OSBPL3: variants seen among roughly 807,000 people sequenced by gnomAD.
The protein encoded by OSBPL3 is oxysterol binding protein like 3, also known as oxysterol-binding protein-related protein 3.
Under a neutral mutation model 120.1 loss-of-function variants are expected in OSBPL3, and 65 were observed. That is an observed-to-expected ratio of 0.54 (90% CI 0.44 to 0.67). The LOEUF is 0.67. Among genes scored for constraint, OSBPL3 ranks in the 30% least tolerant of loss-of-function variants. The probability of loss-of-function intolerance (pLI) is 0.00; values close to 1 mark genes in which losing one functional copy is unlikely to be tolerated. For missense variants in OSBPL3, 1,004 were observed against 1,082.1 expected (o/e 0.93, Z 1.01); for synonymous variants, 416 against 402.6 (o/e 1.03, Z -0.40).
intron 1 of OSBPL3, among the ~76,000 whole-genome samples, chr7:24,942,267 C>G (rs913780681): frequency 1.3e-5 from 2 of 152,018 alleles, no homozygotes; most frequent in Non-Finnish European, 2.9e-5. Flanking sequence ...AATAGTCAAT[C>G]TAAACATAGG....
intron 1 of OSBPL3, among the ~76,000 whole-genome samples, chr7:24,923,387 G>A (rs1810645401): frequency 6.6e-6 from 1 of 152,208 alleles, no homozygotes; most frequent in African/African-American, 2.4e-5. Flanking sequence ...CCACTGTGCT[G>A]ACCTAGCTGA....
rs1378471732 is a variant in OSBPL3, at chr7:24,839,186, G to T, written c.1495+1504C>A. Among the ~76,000 whole-genome samples the T allele has an allele frequency of 2.0e-5, 3 of 152,202 alleles. No homozygotes were observed. In the East Asian group the frequency reaches 5.8e-4, roughly 29 times the overall value. On this transcript the variant is annotated intron_variant, in intron 14 of 22. Transcript: ENST00000313367. Reference sequence around the variant, plus strand: ...CTCCTTTGTGAAGATATGAAAATAGGTGGTGCTTTGAGTATCCAATGCATA... The same window carrying T: ...CTCCTTTGTGAAGATATGAAAATAGTTGGTGCTTTGAGTATCCAATGCATA...
At chr7:24,906,821 A>G (rs1013142097) in intron 1 of OSBPL3, among the ~76,000 whole-genome samples, 1 of 152,020 alleles carries the variant, frequency 6.6e-6, no homozygotes, top group African/African-American at 2.4e-5. Flanking sequence ...ACTTCTCTCT[A>G]TGCACTTCAG....
intron 2 of OSBPL3, among the ~76,000 whole-genome samples, chr7:24,886,341 C>T (rs78314877): frequency 0.035 from 5,345 of 152,280 alleles, 120 homozygotes; most frequent in Non-Finnish European, 0.054. Flanking sequence ...TTGTTCCAGA[C>T]GTTCAATAGA....
At position 24,886,571 on chromosome 7, in the gene OSBPL3, G is replaced by T. The variant is rs993834632; in HGVS notation, c.96+5806C>A. ...CTGCCCCAATAGAAGGATATTTGTCGCTGGTTTTCAATAAATTCAGTCCGA... is the reference window on the plus strand; with the variant it reads ...CTGCCCCAATAGAAGGATATTTGTCTCTGGTTTTCAATAAATTCAGTCCGA... On this transcript the variant is annotated intron_variant, in intron 2 of 22. Coordinates refer to ENST00000313367, the MANE Select transcript of OSBPL3 (RefSeq NM_015550.4). 4.6e-5 allele frequency among the ~76,000 whole-genome samples: 7 copies of T among 152,178 alleles called. 1 individual carries two copies. Among genetic ancestry groups the T allele is most frequent in the Admixed American group, 4.6e-4 (7 of 15,286 alleles).
intron 13 of OSBPL3, among the ~76,000 whole-genome samples, chr7:24,842,029 T>C (rs79797540): frequency 6.6e-6 from 1 of 151,846 alleles, no homozygotes; most frequent in African/African-American, 2.4e-5. Context: ...AAAAAAAGTA[T>C]AACAAATTTA....
In OSBPL3 at chr7:24,872,448, AGTGTGTGTGTGTGTGTGTGTGT is replaced by A. The variant is rs371127031; in HGVS notation, c.97-401_97-380del. Among the ~76,000 whole-genome samples the A allele has an allele frequency of 1.4e-5, 2 of 144,890 alleles. No individual in the cohort carries two copies. Among genetic ancestry groups the A allele is most frequent in the Non-Finnish European group, 3.0e-5 (2 of 66,312 alleles). The stretch of plus-strand genomic sequence containing the variant: ...TCAGTCTGAATTTTAACCGAAAGAG[AGTGTGTGTGTGTGTGTGTGTGT>A]GTGTGTGTGTGTGTGTGGTGTTGGG... On this transcript the variant is annotated intron_variant, in intron 2 of 22. Coordinates refer to ENST00000313367, the MANE Select transcript of OSBPL3 (RefSeq NM_015550.4). This position sits in a 1 kb window ranked among gnomAD's most constrained non-coding sequence, Gnocchi z 4.1.
In OSBPL3 at chr7:24,968,714, C is replaced by T. The variant is rs1266095584; in HGVS notation, c.-150+11172G>A. ...GCCAGCCTCAGCCCACCAATTTTAT[C>T]CATGTGTGCATATATGCATGAATAT... On this transcript the variant is annotated intron_variant, in intron 1 of 22. Transcript: ENST00000313367. This position sits in a 1 kb window ranked among gnomAD's most constrained non-coding sequence, Gnocchi z 4.6. 6.6e-6 allele frequency among the ~76,000 whole-genome samples: 1 copy of T among 152,178 alleles called. No homozygotes were observed. The highest frequency in any genetic ancestry group is 2.4e-5 in the African/African-American group (1 of 41,436).
intron 2 of OSBPL3, among the ~76,000 whole-genome samples, chr7:24,876,202 G>A (rs370588589): frequency 5.9e-5 from 9 of 152,144 alleles, no homozygotes; most frequent in African/African-American, 2.2e-4. Context: ...CAAAATGGTT[G>A]TCTTTATTTC....
intron 1 of OSBPL3, among the ~76,000 whole-genome samples, chr7:24,908,972 TGCGTGTCCTTTTCAA>T (rs1288172626): frequency 1.3e-5 from 2 of 152,218 alleles, no homozygotes; most frequent in African/African-American, 2.4e-5. Context: ...GTAGTTACTT[TGCGTGTCCTTTTCAA>T]GCACATGGTC....
At chr7:24,850,878 T>C (rs1562824456) in intron 11 of OSBPL3, among the ~76,000 whole-genome samples, 2 of 152,218 alleles carry the variant, frequency 1.3e-5, no homozygotes, top group Non-Finnish European at 2.9e-5. Flanking sequence ...AAAAAACAAG[T>C]CTTAAACCCC....
rs558134361 is a variant in OSBPL3 at position 24,885,238 on chromosome 7, AAAAAG to A, written c.96+7134_96+7138del. 8.6e-4 allele frequency among the ~76,000 whole-genome samples: 130 copies of A among 152,028 alleles called. 4 individuals are homozygous for A. The South Asian group carries it at 0.026, about 31-fold the overall frequency. ...CTCTGTCTCAAAAACAAAAAAAAAA[AAAAAG>A]AAAGAAATGGGACTAACCATTTTCA... On this transcript the variant is annotated intron_variant, in intron 2 of 22. Transcript: ENST00000313367.
chr7:24,838,925 A>G (rs1388970114), intron 14 of OSBPL3, among the ~76,000 whole-genome samples: 1 of 152,214 alleles, frequency 6.6e-6, no homozygotes, highest in Non-Finnish European at 1.5e-5. Flanking sequence ...TAAGGGGTTC[A>G]TCTCCCAAGA....
At position 24,952,277 on chromosome 7, in the gene OSBPL3, A is replaced by C. The variant is rs1192338447; in HGVS notation, c.-150+27609T>G. ...AACAGAATTAAGAAAAAAAATTAAGAAGCTAAGCACAACATAAATAGTCCA... is the reference window on the plus strand; with the variant it reads ...AACAGAATTAAGAAAAAAAATTAAGCAGCTAAGCACAACATAAATAGTCCA... On this transcript the variant is annotated intron_variant, in intron 1 of 22. Coordinates refer to ENST00000313367, the MANE Select transcript of OSBPL3 (RefSeq NM_015550.4). The surrounding 1 kb of genome is among the most constrained non-coding windows in gnomAD (Gnocchi z 4.4). Among the ~76,000 whole-genome samples the C allele has an allele frequency of 6.6e-6, 1 of 152,196 alleles. No homozygotes were observed. The highest frequency in any genetic ancestry group is 1.5e-5 in the Non-Finnish European group (1 of 68,030).
At chr7:24,844,366 T>C in intron 12 of OSBPL3, among the ~76,000 whole-genome samples, 1 of 140,542 alleles carries the variant, frequency 7.1e-6, no homozygotes. Flanking sequence ...TATTATGAGA[T>C]TTTTTTTGTG....
At chr7:24,801,730 G>A (rs1186048841) in intron 22 of OSBPL3, among the ~76,000 whole-genome samples, 1 of 152,188 alleles carries the variant, frequency 6.6e-6, no homozygotes, top group East Asian at 1.9e-4. Context: ...CTGAACAGCG[G>A]GGCTGCATAA....
rs1792905452 is a variant in OSBPL3, at chr7:24,805,431, T to G, written c.2445-994A>C. 6.6e-6 allele frequency among the ~76,000 whole-genome samples: 1 copy of G among 152,232 alleles called. No homozygotes were observed. Among genetic ancestry groups the G allele is most frequent in the Non-Finnish European group, 1.5e-5 (1 of 68,038 alleles). On this transcript the variant is annotated intron_variant, in intron 21 of 22. Transcript: ENST00000313367. This position sits in a 1 kb window ranked among gnomAD's most constrained non-coding sequence, Gnocchi z 4.0. ...CATTTTTTTTAACACAAACTTAAGATAAATTTAATTGAAAATGTTCATCAC... is the reference window on the plus strand; with the variant it reads ...CATTTTTTTTAACACAAACTTAAGAGAAATTTAATTGAAAATGTTCATCAC...
Position 24,881,715 on chromosome 7 carries a change from G to A in OSBPL3, c.97-9646C>T, listed in dbSNP as rs2128310653. Among the ~76,000 whole-genome samples the A allele has an allele frequency of 6.6e-6, 1 of 152,284 alleles. No homozygotes were observed. The highest frequency in any genetic ancestry group is 6.5e-5 in the Admixed American group (1 of 15,300). ...TTGATGAGCAGTCACAAACTTTGGT[G>A]GCTTAAATAAACAGATATTTATTCT... On this transcript the variant is annotated intron_variant, in intron 2 of 22. Transcript: ENST00000313367. This position sits in a 1 kb window ranked among gnomAD's most constrained non-coding sequence, Gnocchi z 4.3.
intron 10 of OSBPL3, among the ~76,000 whole-genome samples, chr7:24,857,069 A>G (rs1799926570): frequency 6.6e-6 from 1 of 152,206 alleles, no homozygotes; most frequent in African/African-American, 2.4e-5. Flanking sequence ...AATCTATGAA[A>G]GAGGTATCAT....
Sources: allele counts gnomAD v4.1 joint callset (sites outside exome capture counted in the v4.1 genomes callset), GRCh38; gene constraint gnomAD v4.1.1; non-coding constraint Gnocchi (gnomAD v3.1); transcripts MANE v1.5; gene names NCBI Gene and HGNC (gene_info 2026-07-23, HGNC 2026-07-21).